MOSMO: variants seen among roughly 807,000 people sequenced by gnomAD.
MOSMO encodes the protein modulator of smoothened protein.
MOSMO carries 5 observed loss-of-function variants against 18.4 expected under a neutral mutation model. The observed-to-expected ratio is 0.27, with a 90% CI of 0.14 to 0.57. MOSMO has a LOEUF of 0.57. Among genes scored for constraint, MOSMO ranks in the 20% least tolerant of loss-of-function variants. The probability of loss-of-function intolerance (pLI) is 0.92; values close to 1 mark genes in which losing one functional copy is unlikely to be tolerated. For missense variants in MOSMO, 138 were observed against 211.8 expected (o/e 0.65, Z 2.16); for synonymous variants, 82 against 82.3 (o/e 1.00, Z 0.02).
intron 1 of MOSMO, among the ~76,000 whole-genome samples, chr16:22,057,812 TG>T (rs1468475817): frequency 1.3e-5 from 2 of 152,112 alleles, no homozygotes; most frequent in Non-Finnish European, 2.9e-5. Flanking sequence ...GAAAATGACA[TG>T]TAAACTGGAA....
intron 1 of MOSMO, among the ~76,000 whole-genome samples, chr16:22,056,748 A>G (rs1005011488): frequency 2.0e-5 from 3 of 152,078 alleles, no homozygotes; most frequent in African/African-American, 7.2e-5. Context: ...CTCTATGTTT[A>G]CATTTCACTG....
At chr16:22,051,245 G>A (rs565218649) in intron 1 of MOSMO, among the ~76,000 whole-genome samples, 116 of 151,876 alleles carry the variant, frequency 7.6e-4, no homozygotes, top group South Asian at 3.3e-3. Context: ...AAAATTAGCC[G>A]AGCATGGTGG....
At chr16:22,037,769 A>G (rs1461374526) in intron 1 of MOSMO, among the ~76,000 whole-genome samples, 1 of 152,232 alleles carries the variant, frequency 6.6e-6, no homozygotes, top group East Asian at 1.9e-4. Flanking sequence ...AGAGATGAAT[A>G]GGGCAAGGCA....
intron 1 of MOSMO, among the ~76,000 whole-genome samples, chr16:22,034,781 A>G (rs1385269120): frequency 8.7e-6 from 1 of 114,682 alleles, no homozygotes; most frequent in African/African-American, 3.6e-5. Flanking sequence ...TTTTAAAGAC[A>G]GGGTCTCACT....
At chr16:22,033,487 AG>A (rs1320451038) in intron 1 of MOSMO, among the ~76,000 whole-genome samples, 1 of 151,686 alleles carries the variant, frequency 6.6e-6, no homozygotes, top group East Asian at 2.0e-4. Context: ...TCCTGGGTTC[AG>A]GCAATTCTCC....
At chr16:22,011,827 C>A (rs1487143578) in intron 1 of MOSMO, among the ~76,000 whole-genome samples, 1 of 151,638 alleles carries the variant, frequency 6.6e-6, no homozygotes, top group Non-Finnish European at 1.5e-5. Flanking sequence ...GCAGTAAACC[C>A]CCCAAAACAT....
chr16:22,033,236 G>T (rs1032908310), intron 1 of MOSMO, among the ~76,000 whole-genome samples: 1 of 152,140 alleles, frequency 6.6e-6, no homozygotes, highest in Non-Finnish European at 1.5e-5. Flanking sequence ...CAAAAACCCA[G>T]CTGGGCTTTT....
rs1184537815 is a variant in MOSMO, at chr16:22,024,209, CAGG to C, written c.106+15805_106+15807del. Among the ~76,000 whole-genome samples, 8 of 151,846 alleles carry C rather than the reference CAGG, an allele frequency of 5.3e-5. No individual in the cohort carries two copies. In the East Asian group the frequency reaches 1.4e-3, roughly 26 times the overall value. On this transcript the variant is annotated intron_variant, in intron 1 of 2. Coordinates refer to ENST00000542527, the MANE Select transcript of MOSMO (RefSeq NM_001164579.2). ...TCATTTCAGTGGGGTTTGGAGAAGA[CAGG>C]AGAATAAATTGACTCACTTTACCTC...
At chr16:22,024,922 G>C (rs1237692462) in intron 1 of MOSMO, among the ~76,000 whole-genome samples, 1 of 152,042 alleles carries the variant, frequency 6.6e-6, no homozygotes, top group African/African-American at 2.4e-5. Context: ...GGCTGAGATG[G>C]GAGGATCGCC....
intron 1 of MOSMO, among the ~76,000 whole-genome samples, chr16:22,064,650 G>A (rs1362076930): frequency 6.6e-6 from 1 of 152,184 alleles, no homozygotes; most frequent in Non-Finnish European, 1.5e-5. Context: ...ATTTCATAGT[G>A]TGTAATGTAA....
rs1175257899 is a variant in MOSMO, at chr16:22,010,128, C to G, written c.106+1721C>G. Among the ~76,000 whole-genome samples the G allele has an allele frequency of 3.9e-5, 6 of 152,268 alleles. No homozygotes were observed. In the East Asian group the frequency reaches 1.2e-3, roughly 29 times the overall value. ...GCTGGGACATTTGTTGCTTCCTCCT[C>G]CCTCCCTTCTCTCCCCCAATCTAGA... On this transcript the variant is annotated intron_variant, in intron 1 of 2. Transcript: ENST00000542527.
chr16:22,084,501 G>C lies in MOSMO; in HGVS notation c.*3621G>C, dbSNP rs1473102820. 6.6e-6 allele frequency: 1 copy of C among 152,040 alleles called. No individual in the cohort carries two copies. Among genetic ancestry groups the C allele is most frequent in the East Asian group, 1.9e-4 (1 of 5,192 alleles). The allele number at this position is 152,040 out of a possible 1,614,324, so 9.4% of individuals were successfully genotyped here. A position where few individuals can be genotyped will look rare whatever the true frequency, so the allele number is the denominator to read the frequency against. The stretch of plus-strand genomic sequence containing the variant: ...TGTATATTATCCCAAACTTTATTAA[G>C]AATTGTTTTCTAATTGGTTATAACA... On this transcript the variant is annotated 3_prime_UTR_variant, in exon 3 of 3. Coordinates refer to ENST00000542527, the MANE Select transcript of MOSMO (RefSeq NM_001164579.2).
chr16:22,046,072 C>T (rs778242699), intron 1 of MOSMO, among the ~76,000 whole-genome samples: 7 of 146,758 alleles, frequency 4.8e-5, no homozygotes, highest in Non-Finnish European at 1.1e-4. Context: ...GTTCCCCTTC[C>T]TGTGTCCATG....
intron 1 of MOSMO, among the ~76,000 whole-genome samples, chr16:22,050,303 A>G (rs765227657): frequency 6.6e-6 from 1 of 152,216 alleles, no homozygotes; most frequent in Non-Finnish European, 1.5e-5. Flanking sequence ...AATAGTTCCA[A>G]TGTTTTAGAG....
chr16:22,062,307 CTTTTT>C (rs546549658), intron 1 of MOSMO, among the ~76,000 whole-genome samples: 1 of 151,670 alleles, frequency 6.6e-6, no homozygotes, highest in Non-Finnish European at 1.5e-5. Context: ...TCTCTTATTT[CTTTTT>C]TTTCTTTTCT....
chr16:22,084,673 A>ACT (rs1230643139), downstream of MOSMO: 3 of 152,216 alleles, frequency 2.0e-5, no homozygotes, highest in African/African-American at 7.2e-5. Flanking sequence ...TTACTTTGAA[A>ACT]TAAGCTTCAT....
chr16:22,035,007 T>C (rs2141998283), intron 1 of MOSMO, among the ~76,000 whole-genome samples: 1 of 152,254 alleles, frequency 6.6e-6, no homozygotes, highest in South Asian at 2.1e-4. Context: ...GTGCTGGGAT[T>C]ACAGGTGTGA....
At chr16:22,043,901 AAG>A (rs1391302586) in intron 1 of MOSMO, among the ~76,000 whole-genome samples, 1 of 152,226 alleles carries the variant, frequency 6.6e-6, no homozygotes, top group Non-Finnish European at 1.5e-5. Flanking sequence ...TATAAAGAAA[AAG>A]AGGTTTAATG....
At chr16:22,053,269 C>T (rs1030462230) in intron 1 of MOSMO, among the ~76,000 whole-genome samples, 10 of 151,862 alleles carry the variant, frequency 6.6e-5, no homozygotes, top group African/African-American at 2.2e-4. Flanking sequence ...CCAGCCTATT[C>T]TTCCTTCTTA....
Sources: gnomAD v4.1 joint callset for allele counts (sites outside exome capture counted in the v4.1 genomes callset) on GRCh38, gnomAD v4.1.1 for gene constraint, MANE v1.5 for transcripts, NCBI Gene and HGNC (gene_info 2026-07-23, HGNC 2026-07-21) for gene names.